Variants in CHPF2 observed in about 807,000 individuals in gnomAD.
CHPF2 encodes the protein chondroitin polymerizing factor 2.
A neutral mutation model predicts 63.0 loss-of-function variants in CHPF2; 58 were observed. The observed-to-expected ratio is 0.92, with a 90% CI of 0.75 to 1.15. The LOEUF is 1.15. Among genes scored for constraint, CHPF2 ranks in the 50% most tolerant of loss-of-function variants. CHPF2 has a pLI of 0.00. For missense variants in CHPF2, 1,045 were observed against 1,035.4 expected (o/e 1.01, Z -0.13); for synonymous variants, 442 against 438.0 (o/e 1.01, Z -0.11).
rs143803281 is a variant in CHPF2, at chr7:151,234,140, C to T, written c.129C>T (p.Val43=). Residue 43 remains valine (V), a synonymous_variant, in exon 1 of 4, where the codon GTC becomes GTT. Coordinates refer to ENST00000035307, the MANE Select transcript of CHPF2 (RefSeq NM_019015.3). Reference sequence around the variant, plus strand: ...AGGGGGAGGGAGAAGATCCCTGTGTCGAGGCTGTAGGGGAGCGAGGAGGGC... The same window carrying T: ...AGGGGGAGGGAGAAGATCCCTGTGTTGAGGCTGTAGGGGAGCGAGGAGGGC... The part of the protein sequence containing the change: ...WIQGEGEDPC[V]EAVGERGGPQ... The T allele has an allele frequency of 2.6e-3, 4,179 of 1,613,178 alleles. 8 individuals are homozygous for T. The highest frequency in any genetic ancestry group is 3.2e-3 in the Non-Finnish European group (3,814 of 1,179,576).
rs779633828 is a variant in CHPF2 at position 151,236,514 on chromosome 7, C to T, written c.935C>T (p.Thr312Ile). 1.2e-6 allele frequency: 2 copies of T among 1,610,390 alleles called. No individual in the cohort carries two copies. The highest frequency in any genetic ancestry group is 1.7e-4 in the Middle Eastern group (1 of 6,048). The change falls in exon 3 of 4, where the codon ACC (threonine) becomes ATC (isoleucine). Residue 312 changes from threonine to isoleucine, a missense_variant. Transcript: ENST00000035307. ...GCCGTGCACCCTGTCTCCGAAGGTA[C>T]CCTCATGTACCGGCTCCACAAACGC... is the stretch of plus-strand genomic sequence containing the variant. ...AFAVHPVSEG[T>I]LMYRLHKRFS...
Position 151,233,544 on chromosome 7 carries a change from G to C in CHPF2, c.-468G>C. On this transcript the variant is annotated 5_prime_UTR_variant, in exon 1 of 4. Transcript: ENST00000035307. ...TCTTCCGGAAAGGCCCACTGAGGCA[G>C]GCTCCGGCTCCTCTGGTTGGGGCTG... 1 of 986,450 alleles carries C rather than the reference G, an allele frequency of 1.0e-6. No homozygotes were observed. Among genetic ancestry groups the C allele is most frequent in the South Asian group, 4.7e-5 (1 of 21,314 alleles). The allele number at this position is 986,450 out of a possible 1,614,324, so 61.1% of individuals were successfully genotyped here.
chr7:151,236,951 T>G, intron 3 of CHPF2: 1 of 523,030 alleles, frequency 1.9e-6, no homozygotes, highest in East Asian at 5.1e-5. Flanking sequence ...TTTCTTTACT[T>G]CTAGAACTGT....
chr7:151,235,196 C>T lies in CHPF2; in HGVS notation c.412C>T (p.Arg138Trp), dbSNP rs770360053. The change falls in exon 2 of 4, where the codon CGG (arginine) becomes TGG (tryptophan). Residue 138 changes from arginine to tryptophan, a missense_variant. Arg to Trp is a moderately radical substitution (Grantham distance 101, BLOSUM62 -3). Transcript: ENST00000035307. Reference sequence around the variant, plus strand: ...TCGGTTACTCTACTTCACTGGGCAGCGGGGGGCCCGGGCTCCAGCAGGGAT... The same window carrying T: ...TCGGTTACTCTACTTCACTGGGCAGTGGGGGGCCCGGGCTCCAGCAGGGAT... ...FPRLLYFTGQ[R>W]GARAPAGMQV... 24 of 1,612,878 alleles carry T rather than the reference C, an allele frequency of 1.5e-5. No homozygotes were observed. The highest frequency in any genetic ancestry group is 1.3e-4 in the East Asian group (6 of 44,864).
In CHPF2 at chr7:151,235,228, G is replaced by GGT; in HGVS notation, c.447_448dup (p.Ser150CysfsTer59). ...CCCGGGCTCCAGCAGGGATGCAGGT[G>GGT]GTGTCTCATGGGGATGAGCGGCCCG... On this transcript the variant is annotated frameshift_variant, in exon 2 of 4. Transcript: ENST00000035307. LOFTEE classifies it high-confidence loss of function. The GGT allele has an allele frequency of 6.2e-7, 1 of 1,613,106 alleles. No homozygotes were observed. The highest frequency in any genetic ancestry group is 1.1e-5 in the South Asian group (1 of 91,064).
rs1802649194 is a variant in CHPF2 at position 151,236,401 on chromosome 7, C to T, written c.829-7C>T. On this transcript the variant is annotated splice_polypyrimidine_tract_variant and splice_region_variant and intron_variant, in intron 2 of 3. Coordinates refer to ENST00000035307, the MANE Select transcript of CHPF2 (RefSeq NM_019015.3). Reference sequence around the variant, plus strand: ...TGTGTCATTGATTGGTCTGATTGTCCCTCTAGGGGCAGCAGTATCGCTCAT... The same window carrying T: ...TGTGTCATTGATTGGTCTGATTGTCTCTCTAGGGGCAGCAGTATCGCTCAT... 1 of 1,559,430 alleles carries T rather than the reference C, an allele frequency of 6.4e-7. No homozygotes were observed. Among genetic ancestry groups the T allele is most frequent in the African/African-American group, 1.4e-5 (1 of 73,236 alleles).
rs1420888988 is a variant in CHPF2, at chr7:151,232,835, G to C, written c.-1177G>C. The C allele has an allele frequency of 2.7e-6, 4 of 1,459,766 alleles. No individual in the cohort carries two copies. In the Admixed American group the frequency reaches 9.9e-5, roughly 36 times the overall value. The allele number at this position is 1,459,766 out of a possible 1,614,324, so 90.4% of individuals were successfully genotyped here. On this transcript the variant is annotated 5_prime_UTR_variant, in exon 1 of 4. Coordinates refer to ENST00000035307, the MANE Select transcript of CHPF2 (RefSeq NM_019015.3). Reference sequence around the variant, plus strand: ...ACGAGGTCTGTGCCCCAGTCTCCCAGCCGCGACCTCCGACCCCGCCTCGCA... The same window carrying C: ...ACGAGGTCTGTGCCCCAGTCTCCCACCCGCGACCTCCGACCCCGCCTCGCA...
In CHPF2 at chr7:151,232,484, G is replaced by A; in HGVS notation, c.-1528G>A. ...GACGGGTGACTGACAGGCAGCGGAA[G>A]AGGAAGCTGCGGACAGGGGCTGTGA... On this transcript the variant is annotated 5_prime_UTR_variant, in exon 1 of 4. Transcript: ENST00000035307. The A allele has an allele frequency of 2.1e-6, 1 of 469,342 alleles. No individual in the cohort carries two copies. The highest frequency in any genetic ancestry group is 3.8e-6 in the Non-Finnish European group (1 of 264,110). 29.1% of individuals were successfully genotyped at this position (469,342 alleles called of 1,614,324 possible).
Position 151,233,957 on chromosome 7 carries a change from C to G in CHPF2, c.-55C>G. 2 of 1,463,646 alleles carry G rather than the reference C, an allele frequency of 1.4e-6. No homozygotes were observed. Among genetic ancestry groups the G allele is most frequent in the South Asian group, 1.5e-5 (1 of 67,894 alleles). 90.7% of individuals were successfully genotyped at this position (1,463,646 alleles called of 1,614,324 possible). A position where few individuals can be genotyped will look rare whatever the true frequency, so the allele number is the denominator to read the frequency against. Reference sequence around the variant, plus strand: ...TACTACTGGCCTGGTGCCCATCAATCCATTGATCCTTGAGGCTGTGCCCCT... The same window carrying G: ...TACTACTGGCCTGGTGCCCATCAATGCATTGATCCTTGAGGCTGTGCCCCT... On this transcript the variant is annotated 5_prime_UTR_variant, in exon 1 of 4. The change creates a new upstream start codon in the 5' untranslated region. Coordinates refer to ENST00000035307, the MANE Select transcript of CHPF2 (RefSeq NM_019015.3).
rs1219588680 is a variant in CHPF2, at chr7:151,238,123, C to T, written c.1761C>T (p.Asp587=). ...MDVVSKKHPV[D]TLFFLTTVWT... is the part of the protein sequence containing the mutation. ...TGGTCTCGAAGAAGCACCCTGTGGA[C>T]ACTCTCTTCTTCCTTACCACCGTGT... The change falls in exon 4 of 4, where the codon GAC becomes GAT. Residue 587 remains aspartate (D), a synonymous_variant. Coordinates refer to ENST00000035307, the MANE Select transcript of CHPF2 (RefSeq NM_019015.3). 1 of 1,612,416 alleles carries T rather than the reference C, an allele frequency of 6.2e-7. No individual in the cohort carries two copies. The highest frequency in any genetic ancestry group is 8.5e-7 in the Non-Finnish European group (1 of 1,180,028).
rs558834669 is a variant in CHPF2 at position 151,235,470 on chromosome 7, A to C, written c.686A>C (p.Tyr229Ser). Reference protein sequence around the residue: ...QARYCHGGFGYLLSRSLLLRL... With the variant: ...QARYCHGGFGSLLSRSLLLRL... The stretch of plus-strand genomic sequence containing the variant: ...CGGTACTGTCATGGGGGCTTTGGCT[A>C]CCTGTTGTCACGGAGTCTCCTGCTT... Residue 229 changes from tyrosine (Y) to serine (S), a missense_variant, in exon 2 of 4, where the codon TAC (tyrosine) becomes TCC (serine). Physicochemically the swap from Tyr to Ser is moderately radical, Grantham distance 144. Transcript: ENST00000035307. The C allele has an allele frequency of 3.1e-6, 5 of 1,611,788 alleles. No individual in the cohort carries two copies. The African/African-American group carries it at 6.7e-5, about 21-fold the overall frequency.
In CHPF2 at chr7:151,238,360, G is replaced by A; in HGVS notation, c.1998G>A (p.Arg666=). ...CTCCTATAGGGGGGAGATTTGACCG[G>A]CAGGCTTCTGCGGAGGGCTGCTTCT... ...RGAPIGGRFD[R]QASAEGCFYN... is the part of the protein sequence containing the mutation. Residue 666 remains arginine (R), a synonymous_variant, in exon 4 of 4, where the codon CGG becomes CGA. Transcript: ENST00000035307. The A allele has an allele frequency of 6.2e-7, 1 of 1,607,654 alleles. No homozygotes were observed. The highest frequency in any genetic ancestry group is 8.5e-7 in the Non-Finnish European group (1 of 1,176,714).
At position 151,232,530 on chromosome 7, in the gene CHPF2, C is replaced by T. The variant is rs1414495588; in HGVS notation, c.-1482C>T. The T allele has an allele frequency of 1.2e-5, 6 of 506,468 alleles. No homozygotes were observed. The highest frequency in any genetic ancestry group is 4.3e-5 in the Admixed American group (1 of 23,266). The allele number at this position is 506,468 out of a possible 1,614,324, so 31.4% of individuals were successfully genotyped here. ...TGTGAGGTGGCAGCGGCTGCAGCGG[C>T]GGAGCCGGCGCCTCAGCGGGCACTG... is the stretch of plus-strand genomic sequence containing the variant. On this transcript the variant is annotated 5_prime_UTR_variant, in exon 1 of 4. Transcript: ENST00000035307.
At position 151,232,692 on chromosome 7, in the gene CHPF2, C is replaced by G; in HGVS notation, c.-1320C>G. 1 of 1,448,484 alleles carries G rather than the reference C, an allele frequency of 6.9e-7. No homozygotes were observed. Among genetic ancestry groups the G allele is most frequent in the Non-Finnish European group, 9.2e-7 (1 of 1,087,418 alleles). The allele number at this position is 1,448,484 out of a possible 1,614,324, so 89.7% of individuals were successfully genotyped here. Reference sequence around the variant, plus strand: ...CGTCCTTTATCCGGTGTCCGCCGGCCCCCGGCCCTGAAACCCGGGCCTCCT... The same window carrying G: ...CGTCCTTTATCCGGTGTCCGCCGGCGCCCGGCCCTGAAACCCGGGCCTCCT... On this transcript the variant is annotated 5_prime_UTR_variant, in exon 1 of 4. Transcript: ENST00000035307.
chr7:151,235,504 G>A lies in CHPF2; in HGVS notation c.720G>A (p.Arg240=), dbSNP rs1420788465. The A allele has an allele frequency of 1.9e-6, 3 of 1,611,336 alleles. No homozygotes were observed. The African/African-American group carries it at 4.0e-5, about 22-fold the overall frequency. Residue 240 remains arginine (R), a synonymous_variant, in exon 2 of 4, where the codon CGG becomes CGA. Transcript: ENST00000035307. ...CACGGAGTCTCCTGCTTCGTCTGCG[G>A]CCACATCTGGATGGCTGCCGAGGAG... ...LLSRSLLLRL[R]PHLDGCRGDI...
Position 151,238,811 on chromosome 7 carries a change from T to G in CHPF2, c.*130T>G. 8 of 1,537,952 alleles carry G rather than the reference T, an allele frequency of 5.2e-6. No individual in the cohort carries two copies. Among genetic ancestry groups the G allele is most frequent in the Non-Finnish European group, 7.0e-6 (8 of 1,145,610 alleles). ...AAATATGAAAATGTTATTAAACATG[T>G]CTTCTGCCAAACTGTTTTTAGGTCT... On this transcript the variant is annotated 3_prime_UTR_variant, in exon 4 of 4. Coordinates refer to ENST00000035307, the MANE Select transcript of CHPF2 (RefSeq NM_019015.3).
At chr7:151,236,750 G>T (rs1802664548) in intron 3 of CHPF2, among the ~76,000 whole-genome samples, 160 bp downstream of exon 3, 1 of 152,212 alleles carries the variant, frequency 6.6e-6, no homozygotes. Flanking sequence ...TAAATTTAAA[G>T]CAACTACAGG....
In CHPF2 at chr7:151,237,797, C is replaced by T. The variant is rs1389516100; in HGVS notation, c.1435C>T (p.Pro479Ser). The T allele has an allele frequency of 1.2e-6, 2 of 1,612,686 alleles. No individual in the cohort carries two copies. Among genetic ancestry groups the T allele is most frequent in the Non-Finnish European group, 8.5e-7 (1 of 1,180,000 alleles). Reference sequence around the variant, plus strand: ...GCCACTGAGCCGGGTGGAAATCCTACCTATGCCCTATGTCACTGAGGCCAC... The same window carrying T: ...GCCACTGAGCCGGGTGGAAATCCTATCTATGCCCTATGTCACTGAGGCCAC... ...LRPLSRVEILPMPYVTEATRV... is the reference protein window; with the variant it reads ...LRPLSRVEILSMPYVTEATRV... The change falls in exon 4 of 4, where the codon CCT becomes TCT. Residue 479 changes from proline (P) to serine (S), a missense_variant. Coordinates refer to ENST00000035307, the MANE Select transcript of CHPF2 (RefSeq NM_019015.3).
At chr7:151,237,072 T>C in intron 3 of CHPF2, 1 of 607,816 alleles carries the variant, frequency 1.6e-6, no homozygotes. Flanking sequence ...ATGTGAGTCC[T>C]TTGGGTGTAG....
Sources: gnomAD v4.1 joint callset for allele counts (sites outside exome capture counted in the v4.1 genomes callset) on GRCh38, gnomAD v4.1.1 for gene constraint, MANE v1.5 for transcripts, NCBI Gene and HGNC (gene_info 2026-07-23, HGNC 2026-07-21) for gene names.